The following UBXN4 variants were observed in gnomAD, a reference collection of about 807,000 sequenced individuals.
UBXN4 encodes UBX domain protein 4.
A neutral mutation model predicts 66.2 loss-of-function variants in UBXN4; 35 were observed. That is an observed-to-expected ratio of 0.53 (90% confidence interval 0.40 to 0.70). The LOEUF is 0.70. Among genes scored for constraint, UBXN4 ranks in the 30% least tolerant of loss-of-function variants. The pLI, the probability that UBXN4 is intolerant of heterozygous loss-of-function variation, is 0.00. For synonymous variants in UBXN4, 203 were observed against 204.5 expected, an observed-to-expected ratio of 0.99 and a Z score of 0.06; for missense variants, 533 against 599.8, an observed-to-expected ratio of 0.89 and a Z score of 1.16.
chr2:135,755,767 A>T (rs1157403783), intron 5 of UBXN4, 76 bp downstream of exon 5: 1 of 930,638 alleles, frequency 1.1e-6, no homozygotes, highest in African/African-American at 1.7e-5. Context: ...TTAATATTTT[A>T]AAAATATATT....
At chr2:135,770,541 T>C in intron 7 of UBXN4, 30 bp from the exon 8 acceptor site, 1 of 1,365,732 alleles carries the variant, frequency 7.3e-7, no homozygotes, top group South Asian at 1.8e-5. Context: ...TATCAAGTTT[T>C]TGGATCATAA....
In UBXN4 at chr2:135,779,819, CAAT is replaced by C. The variant is rs72195872; in HGVS notation, c.1186-362_1186-360del. On this transcript the variant is annotated intron_variant, in intron 11 of 12. Transcript: ENST00000272638. ...AAATTACAATTGTATATATAATATACAATATTATACAATTATATACAATTATTA... is the reference window on the plus strand; with the variant it reads ...AAATTACAATTGTATATATAATATACATTATACAATTATATACAATTATTA... 0.011 allele frequency among the ~76,000 whole-genome samples: 1,552 copies of C among 144,188 alleles called. 98 individuals are homozygous for C. In the East Asian group the frequency reaches 0.19, roughly 18 times the overall value. The allele number at this position is 144,188 out of a possible 152,430, so 94.6% of individuals were successfully genotyped here.
intron 6 of UBXN4, among the ~76,000 whole-genome samples, chr2:135,763,920 T>G: frequency 6.6e-6 from 1 of 150,520 alleles, no homozygotes; most frequent in African/African-American, 2.5e-5. Context: ...AGGCCGGGAG[T>G]TCAAGACCAG....
chr2:135,748,365 A>G lies in UBXN4; in HGVS notation c.181A>G (p.Lys61Glu). The G allele has an allele frequency of 1.9e-6, 3 of 1,584,036 alleles. No individual in the cohort carries two copies. The highest frequency in any genetic ancestry group is 2.6e-6 in the Non-Finnish European group (3 of 1,167,930). Residue 61 changes from lysine to glutamate, a missense_variant, in exon 2 of 13, where the codon AAA becomes GAA. This residue lies in a region of UBXN4 where 529 missense variants were observed against 580.1 expected (regional missense o/e 0.91). Coordinates refer to ENST00000272638, the MANE Select transcript of UBXN4 (RefSeq NM_014607.4). ...NSFVAIKIDT[K>E]SEACLQFSQI... ...TTTTGTTGCTATTAAAATCGATACC[A>G]AAAGGTTTGTTTATGTTTTAATATT... is the stretch of plus-strand genomic sequence containing the variant.
intron 9 of UBXN4, among the ~76,000 whole-genome samples, chr2:135,774,631 G>A (rs927427802): frequency 3.3e-5 from 5 of 152,030 alleles, no homozygotes; most frequent in Admixed American, 2.6e-4. Flanking sequence ...GATCACTTAC[G>A]GCCAGGAGTT....
chr2:135,760,108 TTAA>T (rs1287896742), intron 5 of UBXN4, among the ~76,000 whole-genome samples: 17 of 152,078 alleles, frequency 1.1e-4, no homozygotes, highest in African/African-American at 4.1e-4. Flanking sequence ...AATATGAGTG[TTAA>T]TAAGCTATTT....
chr2:135,752,563 T>C (rs1027316119), intron 2 of UBXN4, among the ~76,000 whole-genome samples: 1 of 152,252 alleles, frequency 6.6e-6, no homozygotes, highest in Non-Finnish European at 1.5e-5. Context: ...AGTATTACAT[T>C]ATCACATGCC....
In UBXN4 at chr2:135,784,096, G is replaced by A. The variant is rs536458280; in HGVS notation, c.*1209G>A. The stretch of plus-strand genomic sequence containing the variant: ...GCAAGGAAACAGCAACACAGGCTGC[G>A]CTGTTGGTAGGAGTGAAAACCAGTA... On this transcript the variant is annotated 3_prime_UTR_variant, in exon 13 of 13. Coordinates refer to ENST00000272638, the MANE Select transcript of UBXN4 (RefSeq NM_014607.4). 55 of 152,308 alleles carry A rather than the reference G, an allele frequency of 3.6e-4. No individual in the cohort carries two copies. Among genetic ancestry groups the A allele is most frequent in the African/African-American group, 1.2e-3 (51 of 41,572 alleles). The allele number at this position is 152,308 out of a possible 1,614,324, so 9.4% of individuals were successfully genotyped here. A position where few individuals can be genotyped will look rare whatever the true frequency, so the allele number is the denominator to read the frequency against.
chr2:135,780,340 C>T lies in UBXN4; in HGVS notation c.1343C>T (p.Ser448Leu), dbSNP rs374483821. 2.4e-5 allele frequency: 39 copies of T among 1,614,142 alleles called. 1 individual carries two copies. In the South Asian group the frequency reaches 2.9e-4, roughly 12 times the overall value. ...ACACAGACTTCAGTGAGAGTAACATCGTCAGAACCCCCAAACCCTGCATCA... is the reference window on the plus strand; with the variant it reads ...ACACAGACTTCAGTGAGAGTAACATTGTCAGAACCCCCAAACCCTGCATCA... The part of the protein sequence containing the change: ...PPTQTSVRVT[S>L]SEPPNPASSS... Residue 448 changes from serine to leucine, a missense_variant, in exon 12 of 13, where the codon TCG becomes TTG. Ser to Leu is a moderately radical substitution (Grantham distance 145). Transcript: ENST00000272638.
At chr2:135,763,673 A>G (rs111816426) in intron 6 of UBXN4, among the ~76,000 whole-genome samples, 3,730 of 152,082 alleles carry the variant, frequency 0.025, 162 homozygotes, top group African/African-American at 0.086. Context: ...AAAAAATACA[A>G]AAATTAATTG....
intron 9 of UBXN4, 110 bp from the exon 10 acceptor site, chr2:135,776,139 G>T: frequency 1.2e-6 from 1 of 853,000 alleles, no homozygotes; most frequent in Non-Finnish European, 1.8e-6. Flanking sequence ...TGATATGGTA[G>T]AAAAAACTAT....
intron 5 of UBXN4, 107 bp downstream of exon 5, chr2:135,755,798 T>A: frequency 1.4e-6 from 1 of 733,788 alleles, no homozygotes; most frequent in Non-Finnish European, 1.8e-6. Context: ...TTCTTCACAT[T>A]TATTTAACTT....
chr2:135,750,938 C>T (rs2077237650), intron 2 of UBXN4, among the ~76,000 whole-genome samples: 2 of 140,088 alleles, frequency 1.4e-5, no homozygotes. Flanking sequence ...TCACTGCAAG[C>T]TCCGCCTCCC....
chr2:135,745,549 A>G lies in UBXN4; in HGVS notation c.83-2718A>G, dbSNP rs142962641. Among the ~76,000 whole-genome samples the G allele has an allele frequency of 2.0e-4, 31 of 152,354 alleles. 1 individual carries two copies. In the East Asian group the frequency reaches 5.8e-3, roughly 28 times the overall value. ...GTCTCATTTGGTTTATATTTAGTAT[A>G]CAGTTCAATGCCTAGAACAAAATAA... On this transcript the variant is annotated intron_variant, in intron 1 of 12. Coordinates refer to ENST00000272638, the MANE Select transcript of UBXN4 (RefSeq NM_014607.4).
rs1039973071 is a variant in UBXN4 at position 135,742,069 on chromosome 2, C to T, written c.82+58C>T. ...GACACCCCTCCGGCCTACCTTCATCCTCTTGTATACCTCAGCCGCCGGCCC... is the reference window on the plus strand; with the variant it reads ...GACACCCCTCCGGCCTACCTTCATCTTCTTGTATACCTCAGCCGCCGGCCC... On this transcript the variant is annotated intron_variant, in intron 1 of 12. Coordinates refer to ENST00000272638, the MANE Select transcript of UBXN4 (RefSeq NM_014607.4). The T allele has an allele frequency of 2.5e-6, 4 of 1,578,600 alleles. No homozygotes were observed. The African/African-American group carries it at 5.5e-5, about 22-fold the overall frequency.
At chr2:135,765,297 C>A (rs1409890825) in intron 6 of UBXN4, among the ~76,000 whole-genome samples, 1 of 151,960 alleles carries the variant, frequency 6.6e-6, no homozygotes, top group Non-Finnish European at 1.5e-5. Flanking sequence ...GCAACCTCCA[C>A]CTCCCAGATT....
At position 135,741,861 on chromosome 2, in the gene UBXN4, G is replaced by A. The variant is rs2077175165; in HGVS notation, c.-69G>A. 2.0e-6 allele frequency: 3 copies of A among 1,528,552 alleles called. No individual in the cohort carries two copies. Among genetic ancestry groups the A allele is most frequent in the Non-Finnish European group, 2.7e-6 (3 of 1,129,446 alleles). The allele number at this position is 1,528,552 out of a possible 1,614,324, so 94.7% of individuals were successfully genotyped here. On this transcript the variant is annotated 5_prime_UTR_variant, in exon 1 of 13. Transcript: ENST00000272638. ...GGGGGCCGCAGAGCCGGACGAAGACGGAGGGCGGAGCCGGCTTCGGGACTG... is the reference window on the plus strand; with the variant it reads ...GGGGGCCGCAGAGCCGGACGAAGACAGAGGGCGGAGCCGGCTTCGGGACTG...
chr2:135,770,036 T>C (rs2077373760), intron 7 of UBXN4, among the ~76,000 whole-genome samples: 1 of 152,216 alleles, frequency 6.6e-6, no homozygotes, highest in African/African-American at 2.4e-5. Context: ...TAGACCATGC[T>C]TTTTCCCTCT....
At chr2:135,754,390 C>T in intron 4 of UBXN4, 113 bp downstream of exon 4, 2 of 766,354 alleles carry the variant, frequency 2.6e-6, no homozygotes, top group Non-Finnish European at 2.2e-6. Flanking sequence ...GGTGTGATCT[C>T]AGCTCAAGTG....
Sources: allele counts gnomAD v4.1 joint callset (sites outside exome capture counted in the v4.1 genomes callset), GRCh38; gene constraint gnomAD v4.1.1; regional missense constraint gnomAD v4.1.1; transcripts MANE v1.5; gene names NCBI Gene and HGNC (gene_info 2026-07-23, HGNC 2026-07-21).